The following DIPK1C variants were observed in gnomAD, a reference collection of about 807,000 sequenced individuals.
The protein encoded by DIPK1C is familial non-conventional Alzheimer's dementia.
Under a neutral mutation model 28.0 loss-of-function variants are expected in DIPK1C, and 33 were observed. That is an observed-to-expected ratio of 1.18 (90% confidence interval 0.89 to 1.58). The LOEUF is 1.58. Among genes scored for constraint, DIPK1C ranks in the 40% most tolerant of loss-of-function variants. The pLI is 0.00. For missense variants in DIPK1C, 569 were observed against 568.5 expected (o/e 1.00, Z -0.01); for synonymous variants, 255 against 248.8 (o/e 1.02, Z -0.23).
chr18:74,441,766 C>T (rs917916999), intron 3 of DIPK1C, among the ~76,000 whole-genome samples, 186 bp downstream of exon 3: 2 of 152,132 alleles, frequency 1.3e-5, no homozygotes, highest in Non-Finnish European at 2.9e-5. Flanking sequence ...ACCAACAACC[C>T]TGGGGGCAGG....
intron 1 of DIPK1C, among the ~76,000 whole-genome samples, chr18:74,453,380 C>T (rs781466403): frequency 2.0e-5 from 3 of 152,230 alleles, no homozygotes; most frequent in Non-Finnish European, 4.4e-5. Flanking sequence ...TCAGTTAGCT[C>T]GTCCACTGTG....
At chr18:74,449,304 AATATAAGGTACT>A (rs1180477687) in intron 1 of DIPK1C, among the ~76,000 whole-genome samples, 1 of 152,190 alleles carries the variant, frequency 6.6e-6, no homozygotes, top group African/African-American at 2.4e-5. Flanking sequence ...CCATAAGCAA[AATATAAGGTACT>A]ATATGATCTT....
chr18:74,436,311 G>A lies in DIPK1C; in HGVS notation c.*190C>T. 1 of 611,182 alleles carries A rather than the reference G, an allele frequency of 1.6e-6. No individual in the cohort carries two copies. 37.9% of individuals were successfully genotyped at this position (611,182 alleles called of 1,614,324 possible). ...CATCTCATTTTACACAAGGCGACAGGTCAGAGGCCAGGGTGGGACGAGAGC... is the reference window on the plus strand; with the variant it reads ...CATCTCATTTTACACAAGGCGACAGATCAGAGGCCAGGGTGGGACGAGAGC... On this transcript the variant is annotated 3_prime_UTR_variant, in exon 4 of 4. Transcript: ENST00000343998.
At chr18:74,454,864 T>C (rs559628293) in intron 1 of DIPK1C, among the ~76,000 whole-genome samples, 376 of 150,448 alleles carry the variant, frequency 2.5e-3, no homozygotes, top group African/African-American at 8.7e-3. Flanking sequence ...ATGAAAACGG[T>C]AGAAAAGGAA....
At position 74,435,775 on chromosome 18, in the gene DIPK1C, C is replaced by G. The variant is rs374340077; in HGVS notation, c.*726G>C. The G allele has an allele frequency of 8.1e-4, 123 of 152,404 alleles. No individual in the cohort carries two copies. Among genetic ancestry groups the G allele is most frequent in the African/African-American group, 2.8e-3 (117 of 41,558 alleles). 9.4% of individuals were successfully genotyped at this position (152,404 alleles called of 1,614,324 possible). On this transcript the variant is annotated 3_prime_UTR_variant, in exon 4 of 4. Coordinates refer to ENST00000343998, the MANE Select transcript of DIPK1C (RefSeq NM_001044369.3). ...GTATTTAATTCCGAAAGAATGGTCA[C>G]ACTTCTTTGCTAGGTAGGCAAGATG...
At chr18:74,450,622 C>T (rs1986376726) in intron 1 of DIPK1C, among the ~76,000 whole-genome samples, 1 of 152,212 alleles carries the variant, frequency 6.6e-6, no homozygotes, top group Admixed American at 6.5e-5. Flanking sequence ...CTGTGGCCAC[C>T]ATAGCCACTA....
At position 74,436,632 on chromosome 18, in the gene DIPK1C, C is replaced by G. The variant is rs1231840933; in HGVS notation, c.1129G>C (p.Glu377Gln). The G allele has an allele frequency of 1.9e-6, 3 of 1,613,870 alleles. No homozygotes were observed. Among genetic ancestry groups the G allele is most frequent in the Admixed American group, 1.7e-5 (1 of 60,024 alleles). ...GGGTCTGCACATTCCTGCACCGCCT[C>G]CTGTAACTGCAGCTGAAGCTGGAAA... ...VSFQLQLQLQ[E>Q]AVQECADPGV... Residue 377 changes from glutamate (E) to glutamine (Q), a missense_variant, in exon 4 of 4, where the codon GAG becomes CAG. Glu to Gln is a conservative substitution (Grantham distance 29). Coordinates refer to ENST00000343998, the MANE Select transcript of DIPK1C (RefSeq NM_001044369.3).
At chr18:74,459,783 T>C (rs1986590027), upstream of DIPK1C, among the ~76,000 whole-genome samples, 1 of 152,150 alleles carries the variant, frequency 6.6e-6, no homozygotes, top group African/African-American at 2.4e-5. Flanking sequence ...AGGAAAGATA[T>C]TACAGGAGAA....
chr18:74,441,711 C>T (rs1986128077), intron 3 of DIPK1C, among the ~76,000 whole-genome samples: 1 of 152,154 alleles, frequency 6.6e-6, no homozygotes, highest in Non-Finnish European at 1.5e-5. Context: ...AGCCCAGCAG[C>T]CAGCTCTGCA....
chr18:74,446,576 C>A (rs754127109), intron 2 of DIPK1C, 30 bp downstream of exon 2: 5 of 1,428,622 alleles, frequency 3.5e-6, no homozygotes, highest in African/African-American at 2.9e-5. Context: ...CCGTTCTCTG[C>A]ACATAAACAC....
rs763536287 is a variant in DIPK1C at position 74,442,111 on chromosome 18, C to T, written c.882G>A (p.Val294=). The T allele has an allele frequency of 3.7e-6, 6 of 1,613,910 alleles. No individual in the cohort carries two copies. In the African/African-American group the frequency reaches 5.3e-5, roughly 14 times the overall value. ...AAAAGGCCATGTCCACATCAATAGC[C>T]ACCACCTGTAATCAAAACAGCACGG... The part of the protein sequence containing the change: ...NFAIRSDFTV[V]AIDVDMAFFE... The change falls in exon 3 of 4, where the codon GTG becomes GTA. Residue 294 remains valine, a synonymous_variant. Coordinates refer to ENST00000343998, the MANE Select transcript of DIPK1C (RefSeq NM_001044369.3).
At position 74,446,799 on chromosome 18, in the gene DIPK1C, C is replaced by T. The variant is rs1191885894; in HGVS notation, c.683G>A (p.Gly228Asp). ...GAAGAGTGCCCTGTGGTGGGGGCTG[C>T]CCGCGGCCAGGAACTCCACCGCGTA... ...HFYAVEFLAA[G>D]SPHHRALFPL... The change falls in exon 2 of 4, where the codon GGC becomes GAC. Residue 228 changes from glycine (G) to aspartate (D), a missense_variant. Gly to Asp is a moderately conservative substitution (Grantham distance 94). Coordinates refer to ENST00000343998, the MANE Select transcript of DIPK1C (RefSeq NM_001044369.3). The T allele has an allele frequency of 6.7e-7, 1 of 1,490,022 alleles. No homozygotes were observed. Among genetic ancestry groups the T allele is most frequent in the African/African-American group, 1.4e-5 (1 of 71,182 alleles). The allele number at this position is 1,490,022 out of a possible 1,614,324, so 92.3% of individuals were successfully genotyped here. A position where few individuals can be genotyped will look rare whatever the true frequency, so the allele number is the denominator to read the frequency against.
At chr18:74,450,531 T>C (rs1332638771) in intron 1 of DIPK1C, among the ~76,000 whole-genome samples, 2 of 152,174 alleles carry the variant, frequency 1.3e-5, no homozygotes, top group African/African-American at 4.8e-5. Context: ...ACACTGGGCC[T>C]GGTTTTCCAT....
chr18:74,454,268 G>C (rs1830007509), intron 1 of DIPK1C, among the ~76,000 whole-genome samples: 1 of 152,192 alleles, frequency 6.6e-6, no homozygotes, highest in African/African-American at 2.4e-5. Flanking sequence ...CTTGTCAGGG[G>C]GGTGTGGTTG....
chr18:74,436,696 G>T lies in DIPK1C; in HGVS notation c.1065C>A (p.Arg355=). 6.2e-7 allele frequency: 1 copy of T among 1,613,308 alleles called. No individual in the cohort carries two copies. The highest frequency in any genetic ancestry group is 8.5e-7 in the Non-Finnish European group (1 of 1,179,714). The change falls in exon 4 of 4, where the codon CGC becomes CGA. Residue 355 remains arginine, a synonymous_variant. Coordinates refer to ENST00000343998, the MANE Select transcript of DIPK1C (RefSeq NM_001044369.3). ...NLQVICDKIF[R]HWFSAPLKSS... is the part of the protein sequence containing the mutation. ...TCTTGAGAGGCGCGGAAAACCAATG[G>T]CGAAATATTTTGTCACAGATGACCT...
chr18:74,455,744 A>G (rs1249355352), intron 1 of DIPK1C, among the ~76,000 whole-genome samples: 1 of 149,902 alleles, frequency 6.7e-6, no homozygotes, highest in Non-Finnish European at 1.5e-5. Flanking sequence ...AAGAAAAAGA[A>G]AAAGAAAAAA....
chr18:74,461,394 TTCTTTC>T (rs1405420283), upstream of DIPK1C, among the ~76,000 whole-genome samples: 1 of 141,740 alleles, frequency 7.1e-6, no homozygotes, highest in African/African-American at 2.6e-5. Flanking sequence ...CTTCCTTTCT[TTCTTTC>T]TCTTTCTCTT....
At chr18:74,443,853 C>A (rs565462938) in intron 2 of DIPK1C, among the ~76,000 whole-genome samples, 10 of 152,086 alleles carry the variant, frequency 6.6e-5, no homozygotes, top group Non-Finnish European at 1.5e-4. Flanking sequence ...TGGTTTCTGC[C>A]GATCTCCCCA....
chr18:74,445,015 C>T (rs949191750), intron 2 of DIPK1C, among the ~76,000 whole-genome samples: 4 of 152,192 alleles, frequency 2.6e-5, no homozygotes, highest in Admixed American at 6.5e-5. Flanking sequence ...CCAGCTCCTT[C>T]GAGAAGCAGA....
Sources: gnomAD v4.1 joint callset for allele counts (sites outside exome capture counted in the v4.1 genomes callset) on GRCh38, gnomAD v4.1.1 for gene constraint, MANE v1.5 for transcripts, NCBI Gene and HGNC (gene_info 2026-07-23, HGNC 2026-07-21) for gene names.